The following DARS1 variants were observed in gnomAD, a reference collection of about 807,000 sequenced individuals.
DARS1 encodes aspartyl-tRNA synthetase 1, also known as aspartate--tRNA ligase, cytoplasmic.
DARS1 carries 51 observed loss-of-function variants against 68.8 expected under a neutral mutation model. The ratio of observed to expected loss-of-function variants is 0.74; its 90% CI spans 0.59 to 0.94. The LOEUF (loss-of-function observed/expected upper bound fraction) is 0.94. DARS1 is among the 40% of genes least tolerant of loss of function. The probability of loss-of-function intolerance (pLI) is 0.00; values close to 1 mark genes in which losing one functional copy is unlikely to be tolerated. For synonymous variants in DARS1, 203 were observed against 190.4 expected, an observed-to-expected ratio of 1.07 and a Z score of -0.55; for missense variants, 607 against 597.3, an observed-to-expected ratio of 1.02 and a Z score of -0.17.
intron 9 of DARS1, among the ~76,000 whole-genome samples, chr2:135,921,756 T>G (rs1369250463): frequency 6.6e-6 from 1 of 152,126 alleles, no homozygotes; most frequent in African/African-American, 2.4e-5. Flanking sequence ...CTCCCCAGAT[T>G]TACTGATCAG....
intron 7 of DARS1, among the ~76,000 whole-genome samples, chr2:135,927,907 G>C (rs1054776222): frequency 6.6e-6 from 1 of 152,088 alleles, no homozygotes; most frequent in Admixed American, 6.6e-5. Context: ...GAAATAAAGG[G>C]AAAAACAATA....
intron 3 of DARS1, among the ~76,000 whole-genome samples, chr2:135,971,803 G>C (rs1360441673): frequency 6.6e-6 from 1 of 151,744 alleles, no homozygotes; most frequent in Non-Finnish European, 1.5e-5. Context: ...TGCCAATAGT[G>C]AACAATGTGA....
chr2:135,916,332 A>T lies in DARS1; in HGVS notation c.1000T>A (p.Cys334Ser). 1 of 1,507,388 alleles carries T rather than the reference A, an allele frequency of 6.6e-7. No individual in the cohort carries two copies. The highest frequency in any genetic ancestry group is 9.2e-7 in the Non-Finnish European group (1 of 1,082,530). The allele number at this position is 1,507,388 out of a possible 1,614,324, so 93.4% of individuals were successfully genotyped here. ...GGCTCCAAAAATTTGAATGGCTCAC[A>T]TGGGAACTGTTTATTCACTGTTTGA... ...EIQTVNKQFPCEPFKFLEPTL... is the reference protein window; with the variant it reads ...EIQTVNKQFPSEPFKFLEPTL... The change falls in exon 11 of 16, where the codon TGT (cysteine) becomes AGT (serine). Residue 334 changes from cysteine to serine, a missense_variant. Cys to Ser is a moderately radical substitution (Grantham distance 112). Transcript: ENST00000264161.
chr2:135,922,942 A>G, intron 8 of DARS1, 24 bp from the exon 9 acceptor site: 2 of 1,487,650 alleles, frequency 1.3e-6, no homozygotes, highest in South Asian at 2.9e-5. Flanking sequence ...ATTTATATTT[A>G]TATTATTATA....
At chr2:135,910,995 A>G (rs1680883995) in intron 15 of DARS1, 144 bp downstream of exon 15, 1 of 563,352 alleles carries the variant, frequency 1.8e-6, no homozygotes, top group Admixed American at 3.5e-5. Flanking sequence ...AATATTTTAT[A>G]ACACACAAGT....
At chr2:135,951,613 T>C (rs1681840315) in intron 4 of DARS1, among the ~76,000 whole-genome samples, 1 of 152,242 alleles carries the variant, frequency 6.6e-6, no homozygotes, top group Non-Finnish European at 1.5e-5. Context: ...CTTTTGCCTA[T>C]GCCAGATTTC....
At chr2:135,919,386 G>T (rs1341004103) in intron 10 of DARS1, among the ~76,000 whole-genome samples, 1 of 152,124 alleles carries the variant, frequency 6.6e-6, no homozygotes, top group Non-Finnish European at 1.5e-5. Context: ...AATAAAATTC[G>T]TATTTTTGAA....
chr2:135,924,704 A>T (rs192822), intron 7 of DARS1, among the ~76,000 whole-genome samples: 70,771 of 152,032 alleles, frequency 0.47, 19,288 homozygotes, highest in Middle Eastern at 0.78. Context: ...CATATAAAGG[A>T]ATTTCACCGG....
chr2:135,933,933 G>A lies in DARS1; in HGVS notation c.481C>T (p.Arg161Trp), dbSNP rs779321480. The change falls in exon 6 of 16, where the codon CGG becomes TGG. Residue 161 changes from arginine (R) to tryptophan (W), a missense_variant. By Grantham distance (101) the Arg-to-Trp change is moderately radical. Transcript: ENST00000264161. ...RLPLQLDDAV[R>W]PEAEGEEEGR... ...ACCTCTTCTCCTTCTGCCTCAGGCC[G>A]AACAGCATCATCCAGCTGCAGGGGC... The A allele has an allele frequency of 3.7e-6, 6 of 1,613,288 alleles. No individual in the cohort carries two copies. Among genetic ancestry groups the A allele is most frequent in the Middle Eastern group, 1.6e-4 (1 of 6,080 alleles).
intron 5 of DARS1, 85 bp from the exon 6 acceptor site, chr2:135,934,075 G>A (rs910155002): frequency 6.6e-7 from 1 of 1,525,982 alleles, no homozygotes. Context: ...GTTGACTTAA[G>A]CATGAAGCAA....
chr2:135,910,830 C>G, intron 15 of DARS1: 1 of 236,230 alleles, frequency 4.2e-6, no homozygotes, highest in Non-Finnish European at 8.3e-6. Context: ...AATAAAAACA[C>G]TTAGCAGCTC....
intron 3 of DARS1, among the ~76,000 whole-genome samples, chr2:135,964,840 CAAAAAAAAAAAAA>C (rs372676148): frequency 2.0e-5 from 1 of 49,630 alleles, no homozygotes; most frequent in Non-Finnish European, 3.9e-5. Context: ...GACTCCACCT[CAAAAAAAAAAAAA>C]AAAAAAAAAA....
Position 135,981,410 on chromosome 2 carries a change from C to T in DARS1, c.124+1987G>A, listed in dbSNP as rs118100102. 4.5e-4 allele frequency among the ~76,000 whole-genome samples: 69 copies of T among 152,216 alleles called. No homozygotes were observed. In the East Asian group the frequency reaches 0.012, roughly 27 times the overall value. On this transcript the variant is annotated intron_variant, in intron 2 of 15. Coordinates refer to ENST00000264161, the MANE Select transcript of DARS1 (RefSeq NM_001349.4). ...TCTATTTTACATAGGTTGAGCATTC[C>T]TAACCCGAAAACCCGGAATGCTCCC...
At chr2:135,966,385 C>G (rs1682236788) in intron 3 of DARS1, among the ~76,000 whole-genome samples, 1 of 152,108 alleles carries the variant, frequency 6.6e-6, no homozygotes, top group African/African-American at 2.4e-5. Context: ...ACTTGAAAAG[C>G]TGGTATATGA....
intron 2 of DARS1, among the ~76,000 whole-genome samples, chr2:135,979,705 TCAGA>T (rs763136132): frequency 1.3e-5 from 2 of 152,200 alleles, no homozygotes; most frequent in Non-Finnish European, 2.9e-5. Flanking sequence ...TCCTTTGAAG[TCAGA>T]CAGTTTCAAA....
chr2:135,923,910 G>A (rs770878657), intron 8 of DARS1, among the ~76,000 whole-genome samples: 10 of 152,040 alleles, frequency 6.6e-5, no homozygotes, highest in African/African-American at 1.7e-4. Flanking sequence ...CCAGCTACTC[G>A]GGAGGCTGAG....
At chr2:135,928,045 G>C (rs1471418384) in intron 7 of DARS1, among the ~76,000 whole-genome samples, 1 of 152,156 alleles carries the variant, frequency 6.6e-6, no homozygotes, top group Non-Finnish European at 1.5e-5. Context: ...AATTTCGATA[G>C]GAGACAAAAA....
Position 135,985,486 on chromosome 2 carries a change from C to T in DARS1, c.-18G>A, listed in dbSNP as rs373967267. On this transcript the variant is annotated 5_prime_UTR_variant, in exon 1 of 16. Transcript: ENST00000264161. Reference sequence around the variant, plus strand: ...CTGGGCATCGGGACACGGAACTGGGCAGTGGACACCACCCTCCCTCGCAGG... The same window carrying T: ...CTGGGCATCGGGACACGGAACTGGGTAGTGGACACCACCCTCCCTCGCAGG... The T allele has an allele frequency of 1.2e-6, 2 of 1,614,000 alleles. No individual in the cohort carries two copies. The highest frequency in any genetic ancestry group is 1.1e-5 in the South Asian group (1 of 91,082).
chr2:135,926,205 C>T (rs1681209020), intron 7 of DARS1, among the ~76,000 whole-genome samples: 1 of 152,114 alleles, frequency 6.6e-6, no homozygotes, highest in East Asian at 1.9e-4. Flanking sequence ...CTCACTTCAA[C>T]ATCTTGCTAA....
Sources: allele counts gnomAD v4.1 joint callset (sites outside exome capture counted in the v4.1 genomes callset), GRCh38; gene constraint gnomAD v4.1.1; transcripts MANE v1.5; gene names NCBI Gene and HGNC (gene_info 2026-07-23, HGNC 2026-07-21).